SNX31: variants seen among roughly 807,000 people sequenced by gnomAD.
SNX31 encodes sorting nexin 31.
In SNX31, 58 loss-of-function variants were observed where a neutral mutation model predicts 65.4. The ratio of observed to expected loss-of-function variants is 0.89; its 90% CI spans 0.72 to 1.10. The LOEUF (loss-of-function observed/expected upper bound fraction) is 1.10. Ranked by LOEUF, SNX31 falls within the 50% of genes least tolerant of loss-of-function variation. The pLI is 0.00. For missense variants in SNX31, 523 were observed against 529.7 expected, an observed-to-expected ratio of 0.99 and a Z score of 0.12; for synonymous variants, 181 against 190.1, an observed-to-expected ratio of 0.95 and a Z score of 0.39.
intron 2 of SNX31, among the ~76,000 whole-genome samples, chr8:100,644,503 A>G (rs7007346): frequency 0.48 from 73,651 of 151,960 alleles, 18,195 homozygotes; most frequent in African/African-American, 0.57. Context: ...CAGTTCACAC[A>G]GCAGGAAGAT....
chr8:100,653,590 A>G (rs1820009681), upstream of SNX31, among the ~76,000 whole-genome samples: 1 of 152,180 alleles, frequency 6.6e-6, no homozygotes, highest in Admixed American at 6.5e-5. Context: ...ACAAGGAAGG[A>G]GTCAGCCCTA....
In SNX31 at chr8:100,626,366, A is replaced by G. The variant is rs1450541425; in HGVS notation, c.321+3961T>C. Among the ~76,000 whole-genome samples the G allele has an allele frequency of 1.3e-5, 2 of 152,208 alleles. No homozygotes were observed. Among genetic ancestry groups the G allele is most frequent in the African/African-American group, 4.8e-5 (2 of 41,452 alleles). On this transcript the variant is annotated intron_variant, in intron 4 of 13. Transcript: ENST00000311812. This position sits in a 1 kb window ranked among gnomAD's most constrained non-coding sequence, Gnocchi z 4.4. ...GGCAGCCAAAATTTGAACTGAGGCC[A>G]TCTCACTACTTAGCCTGAACTCTTA... is the stretch of plus-strand genomic sequence containing the variant.
chr8:100,617,405 A>G (rs1817305269), intron 5 of SNX31, among the ~76,000 whole-genome samples: 1 of 152,180 alleles, frequency 6.6e-6, no homozygotes, highest in African/African-American at 2.4e-5. Flanking sequence ...TGGTGCCCCC[A>G]GGGAGGGTGA....
At position 100,573,936 on chromosome 8, in the gene SNX31, A is replaced by G. The variant is rs150625089; in HGVS notation, c.1252T>C (p.Ser418Pro). The G allele has an allele frequency of 1.3e-4, 212 of 1,582,534 alleles. 2 individuals carry two copies. Among genetic ancestry groups the G allele is most frequent in the South Asian group, 4.5e-4 (39 of 86,788 alleles). ...GCTATCTTAATCTTGCTTTTTCTTG[A>G]TAGAAAACTAGAATAGTCTTTCTGC... ...SQQKDYSSFL[S>P]RKSKIKIAKD... Residue 418 changes from serine (S) to proline (P), a missense_variant, in exon 14 of 14, where the codon TCA becomes CCA. Coordinates refer to ENST00000311812, the MANE Select transcript of SNX31 (RefSeq NM_152628.4).
chr8:100,624,733 G>A (rs73274523), intron 4 of SNX31, among the ~76,000 whole-genome samples: 31,019 of 152,094 alleles, frequency 0.2, 4,192 homozygotes, highest in African/African-American at 0.38. Context: ...ACAAAAACCA[G>A]CTGGGGGGAA....
At chr8:100,636,148 G>A in intron 2 of SNX31, 137 bp from the exon 3 acceptor site, 1 of 597,568 alleles carries the variant, frequency 1.7e-6, no homozygotes, top group Non-Finnish European at 3.0e-6. Context: ...CCCAAAGGGG[G>A]AAAAGAGGAC....
chr8:100,651,555 T>G (rs1423838937), upstream of SNX31, among the ~76,000 whole-genome samples: 1 of 152,236 alleles, frequency 6.6e-6, no homozygotes, highest in Non-Finnish European at 1.5e-5. Flanking sequence ...GTCACCGTCC[T>G]CTTGCATCCC....
At chr8:100,585,863 A>AAAT (rs2130829142) in intron 11 of SNX31, among the ~76,000 whole-genome samples, 1 of 152,348 alleles carries the variant, frequency 6.6e-6, no homozygotes, top group Non-Finnish European at 1.5e-5. Context: ...AGGTTTATTA[A>AAAT]ATATGAAAAG....
chr8:100,652,259 T>G (rs1819988649), upstream of SNX31, among the ~76,000 whole-genome samples: 1 of 152,216 alleles, frequency 6.6e-6, no homozygotes, highest in African/African-American at 2.4e-5. Flanking sequence ...ATTACAGGTG[T>G]GAGCCACCGC....
intron 12 of SNX31, among the ~76,000 whole-genome samples, chr8:100,581,319 C>CTATA (rs1261112864): frequency 1.6e-4 from 20 of 123,048 alleles, no homozygotes; most frequent in South Asian, 4.9e-4. Flanking sequence ...TTTTATATAT[C>CTATA]TATATCTATC....
rs1563525314 is a variant in SNX31, at chr8:100,594,090, G to A, written c.978+2549C>T. ...GGCCGAAGCAGGCAGATTGTTTGAG[G>A]TCAGGAGTTTGAGACCAGCCAGGAC... On this transcript the variant is annotated intron_variant, in intron 10 of 13. Transcript: ENST00000311812. This position sits in a 1 kb window ranked among gnomAD's most constrained non-coding sequence, Gnocchi z 4.0. 6.6e-6 allele frequency among the ~76,000 whole-genome samples: 1 copy of A among 152,022 alleles called. No homozygotes were observed. Among genetic ancestry groups the A allele is most frequent in the African/African-American group, 2.4e-5 (1 of 41,390 alleles).
intron 9 of SNX31, among the ~76,000 whole-genome samples, 196 bp downstream of exon 9, chr8:100,600,153 T>C (rs1343283713): frequency 6.9e-6 from 1 of 144,560 alleles, no homozygotes; most frequent in Non-Finnish European, 1.5e-5. Flanking sequence ...ACCGTCTGTA[T>C]TTTTTTTAGA....
In SNX31 at chr8:100,648,864, A is replaced by G. The variant is rs1819829697; in HGVS notation, c.141+410T>C. ...CAAAGGAGATTAAATACCCATGTAC[A>G]AGACTCCAAAGACTCTAGGCCTTGA... On this transcript the variant is annotated intron_variant, in intron 2 of 13. Coordinates refer to ENST00000311812, the MANE Select transcript of SNX31 (RefSeq NM_152628.4). This position sits in a 1 kb window ranked among gnomAD's most constrained non-coding sequence, Gnocchi z 4.3. Among the ~76,000 whole-genome samples the G allele has an allele frequency of 6.6e-6, 1 of 152,246 alleles. No individual in the cohort carries two copies. The highest frequency in any genetic ancestry group is 2.1e-4 in the South Asian group (1 of 4,834).
chr8:100,591,552 G>T (rs1586875857), intron 10 of SNX31, among the ~76,000 whole-genome samples: 1 of 151,712 alleles, frequency 6.6e-6, no homozygotes, highest in East Asian at 1.9e-4. Context: ...AAGTAAAACT[G>T]GCCAGGCATG....
In SNX31 at chr8:100,612,992, T is replaced by C. The variant is rs1563549148; in HGVS notation, c.523+3A>G. The C allele has an allele frequency of 6.2e-7, 1 of 1,613,502 alleles. No individual in the cohort carries two copies. Among genetic ancestry groups the C allele is most frequent in the African/African-American group, 1.3e-5 (1 of 74,984 alleles). On this transcript the variant is annotated splice_donor_region_variant and intron_variant, in intron 6 of 13. Transcript: ENST00000311812. This position sits in a 1 kb window ranked among gnomAD's most constrained non-coding sequence, Gnocchi z 4.3. ...GCTGATTCATTTGTTCCTTCCTTCT[T>C]ACCAGAGAGCTTGCCCTCCTTGCCA...
chr8:100,630,873 C>T lies in SNX31; in HGVS notation c.257-482G>A, dbSNP rs934818037. 1.3e-5 allele frequency among the ~76,000 whole-genome samples: 2 copies of T among 152,110 alleles called. No individual in the cohort carries two copies. The highest frequency in any genetic ancestry group is 6.6e-5 in the Admixed American group (1 of 15,254). On this transcript the variant is annotated intron_variant, in intron 3 of 13. Transcript: ENST00000311812. The surrounding 1 kb of genome is among the most constrained non-coding windows in gnomAD (Gnocchi z 5.3). ...CGTGAGCTCGGCTCACTGCAATGTCCGTCTCCTGGGTTAAGACGATTCTCT... is the reference window on the plus strand; with the variant it reads ...CGTGAGCTCGGCTCACTGCAATGTCTGTCTCCTGGGTTAAGACGATTCTCT...
chr8:100,657,664 G>A (rs1820073502), intron 1 of SNX31: 28 of 455,924 alleles, frequency 6.1e-5, no homozygotes, highest in South Asian at 4.0e-4. Context: ...GAAGTGGAGG[G>A]ACAAGATGGG....
Position 100,649,564 on chromosome 8 carries a change from G to A in SNX31, c.-50C>T, listed in dbSNP as rs1457279880. The stretch of plus-strand genomic sequence containing the variant: ...CGCTGGGAACCCGACCTGCGGCGGC[G>A]GGCGGTGCGCGGCTCTGAACTCGGC... On this transcript the variant is annotated 5_prime_UTR_variant, in exon 1 of 14. Coordinates refer to ENST00000311812, the MANE Select transcript of SNX31 (RefSeq NM_152628.4). The A allele has an allele frequency of 2.5e-5, 38 of 1,526,836 alleles. No homozygotes were observed. Among genetic ancestry groups the A allele is most frequent in the Non-Finnish European group, 3.2e-5 (36 of 1,128,042 alleles). The allele number at this position is 1,526,836 out of a possible 1,614,324, so 94.6% of individuals were successfully genotyped here.
intron 10 of SNX31, among the ~76,000 whole-genome samples, chr8:100,590,357 C>T (rs1387034737): frequency 6.6e-6 from 1 of 152,172 alleles, no homozygotes; most frequent in Non-Finnish European, 1.5e-5. Context: ...CTTTGGGAGG[C>T]TGAGGCAAGA....
Sources: allele counts gnomAD v4.1 joint callset (sites outside exome capture counted in the v4.1 genomes callset), GRCh38; gene constraint gnomAD v4.1.1; non-coding constraint Gnocchi (gnomAD v3.1); transcripts MANE v1.5; gene names NCBI Gene and HGNC (gene_info 2026-07-23, HGNC 2026-07-21).